Variants in RPS6KA5 observed in about 807,000 individuals in gnomAD.
RPS6KA5 encodes ribosomal protein S6 kinase alpha-5.
Under a neutral mutation model 85.5 loss-of-function variants are expected in RPS6KA5, and 27 were observed. The observed-to-expected ratio is 0.32, with a 90% CI of 0.23 to 0.44. The LOEUF (loss-of-function observed/expected upper bound fraction) is 0.44, where lower values mean the gene tolerates loss of function less well. Ranked by LOEUF, RPS6KA5 falls within the 20% of genes least tolerant of loss-of-function variation. The pLI, the probability that RPS6KA5 is intolerant of heterozygous loss-of-function variation, is 1.00. For synonymous variants in RPS6KA5, 334 were observed against 348.2 expected, an observed-to-expected ratio of 0.96 and a Z score of 0.46; for missense variants, 811 against 980.9, an observed-to-expected ratio of 0.83 and a Z score of 2.31.
chr14:91,044,057 T>C (rs1369015998), intron 1 of RPS6KA5, among the ~76,000 whole-genome samples: 1 of 151,902 alleles, frequency 6.6e-6, no homozygotes, highest in Non-Finnish European at 1.5e-5. Context: ...TGAAACCCTA[T>C]CTCTACTAAA....
At chr14:90,946,243 T>G (rs1046427374) in intron 4 of RPS6KA5, among the ~76,000 whole-genome samples, 1 of 152,198 alleles carries the variant, frequency 6.6e-6, no homozygotes, top group East Asian at 1.9e-4. Context: ...TCAGTTTGAG[T>G]GCCTACTTGA....
Position 90,854,201 on chromosome 14 carries a change from T to C in RPS6KA5, c.*17873A>G, listed in dbSNP as rs1423910677. On this transcript the variant is annotated 3_prime_UTR_variant, in exon 17 of 17. Coordinates refer to ENST00000614987, the MANE Select transcript of RPS6KA5 (RefSeq NM_004755.4). ...TGCAAGGAGCCTGATGTATGAAGATTTGACATTGTAATTTATAATTCCTAA... is the reference window on the plus strand; with the variant it reads ...TGCAAGGAGCCTGATGTATGAAGATCTGACATTGTAATTTATAATTCCTAA... 1 of 126,932 alleles carries C rather than the reference T, an allele frequency of 7.9e-6. No homozygotes were observed. The highest frequency in any genetic ancestry group is 2.0e-4 in the East Asian group (1 of 5,030). The allele number at this position is 126,932 out of a possible 1,614,324, so 7.9% of individuals were successfully genotyped here. A position where few individuals can be genotyped will look rare whatever the true frequency, so the allele number is the denominator to read the frequency against.
At position 90,856,208 on chromosome 14, in the gene RPS6KA5, C is replaced by G. The variant is rs937474901; in HGVS notation, c.*15866G>C. ...GGCAAGTTTACTTTGTCCCCAAGAG[C>G]TTAATCTCTAGTTAGAAAAGATTTT... On this transcript the variant is annotated 3_prime_UTR_variant, in exon 17 of 17. Coordinates refer to ENST00000614987, the MANE Select transcript of RPS6KA5 (RefSeq NM_004755.4). The G allele has an allele frequency of 1.3e-5, 2 of 152,128 alleles. No homozygotes were observed. Among genetic ancestry groups the G allele is most frequent in the African/African-American group, 4.8e-5 (2 of 41,436 alleles). 9.4% of individuals were successfully genotyped at this position (152,128 alleles called of 1,614,324 possible).
intron 2 of RPS6KA5, among the ~76,000 whole-genome samples, chr14:90,999,134 G>C (rs1173896405): frequency 6.6e-6 from 1 of 152,126 alleles, no homozygotes; most frequent in Non-Finnish European, 1.5e-5. Context: ...CTTGAACCCA[G>C]GAGGCAGAAG....
At chr14:91,009,708 A>G (rs2041176606) in intron 1 of RPS6KA5, among the ~76,000 whole-genome samples, 1 of 152,214 alleles carries the variant, frequency 6.6e-6, no homozygotes, top group Admixed American at 6.5e-5. Flanking sequence ...TGGCAGAAAA[A>G]AACCCCAAAA....
rs765460706 is a variant in RPS6KA5 at position 91,052,342 on chromosome 14, C to T, written c.103+7990G>A. ...AATTACCTGGGTATGGTAGTGGGTGCCTGTAATCCCAGCCACTTGGGAGGC... is the reference window on the plus strand; with the variant it reads ...AATTACCTGGGTATGGTAGTGGGTGTCTGTAATCCCAGCCACTTGGGAGGC... On this transcript the variant is annotated intron_variant, in intron 1 of 16. Transcript: ENST00000614987. The T allele has an allele frequency of 4.4e-5, 17 of 388,504 alleles. 1 individual carries two copies. Among genetic ancestry groups the T allele is most frequent in the South Asian group, 3.1e-4 (17 of 54,184 alleles). The allele number at this position is 388,504 out of a possible 1,614,324, so 24.1% of individuals were successfully genotyped here.
At chr14:91,052,688 C>T (rs954535756) in intron 1 of RPS6KA5, among the ~76,000 whole-genome samples, 1 of 150,762 alleles carries the variant, frequency 6.6e-6, no homozygotes, top group South Asian at 2.1e-4. Flanking sequence ...AAAAAGTTAG[C>T]TGGGCGTGGT....
Position 90,869,472 on chromosome 14 carries a change from T to C in RPS6KA5, c.*2602A>G, listed in dbSNP as rs1206930714. ...CAATTTGTCATATACAGTTACAAAA[T>C]ATATGAATCAGGATTTATGTTGGCA... On this transcript the variant is annotated 3_prime_UTR_variant, in exon 17 of 17. Transcript: ENST00000614987. The C allele has an allele frequency of 2.0e-5, 3 of 152,190 alleles. No individual in the cohort carries two copies. Among genetic ancestry groups the C allele is most frequent in the African/African-American group, 7.2e-5 (3 of 41,452 alleles). The allele number at this position is 152,190 out of a possible 1,614,324, so 9.4% of individuals were successfully genotyped here.
chr14:90,871,907 C>T lies in RPS6KA5; in HGVS notation c.*167G>A. The T allele has an allele frequency of 1.3e-6, 1 of 790,502 alleles. No individual in the cohort carries two copies. The highest frequency in any genetic ancestry group is 1.7e-5 in the African/African-American group (1 of 58,058). The allele number at this position is 790,502 out of a possible 1,614,324, so 49.0% of individuals were successfully genotyped here. On this transcript the variant is annotated 3_prime_UTR_variant, in exon 17 of 17. Transcript: ENST00000614987. ...TCTATTCACAGTAACATTCTCTGTCCAGTGCTTTTGAATGAGGATAACCAA... is the reference window on the plus strand; with the variant it reads ...TCTATTCACAGTAACATTCTCTGTCTAGTGCTTTTGAATGAGGATAACCAA...
intron 1 of RPS6KA5, chr14:91,059,953 C>T: frequency 1.2e-6 from 1 of 855,934 alleles, no homozygotes; most frequent in Non-Finnish European, 1.4e-6. Flanking sequence ...AACAAAGCGC[C>T]GCTCGCCCCA....
At chr14:91,034,137 A>G (rs1212447432) in intron 1 of RPS6KA5, among the ~76,000 whole-genome samples, 1 of 151,956 alleles carries the variant, frequency 6.6e-6, no homozygotes, top group Non-Finnish European at 1.5e-5. Context: ...CAAAACCCTT[A>G]CATAAAAATA....
rs950337872 is a variant in RPS6KA5 at position 90,866,329 on chromosome 14, C to A, written c.*5745G>T. 1 of 152,140 alleles carries A rather than the reference C, an allele frequency of 6.6e-6. No homozygotes were observed. Among genetic ancestry groups the A allele is most frequent in the African/African-American group, 2.4e-5 (1 of 41,402 alleles). The allele number at this position is 152,140 out of a possible 1,614,324, so 9.4% of individuals were successfully genotyped here. A position where few individuals can be genotyped will look rare whatever the true frequency, so the allele number is the denominator to read the frequency against. On this transcript the variant is annotated 3_prime_UTR_variant, in exon 17 of 17. Coordinates refer to ENST00000614987, the MANE Select transcript of RPS6KA5 (RefSeq NM_004755.4). The stretch of plus-strand genomic sequence containing the variant: ...AAAAAAAATTAGCTGGGCATGGTGG[C>A]TCATGCCTGTAGTCTACTTAGTCAG...
At chr14:91,025,936 T>C (rs986691429) in intron 1 of RPS6KA5, among the ~76,000 whole-genome samples, 2 of 152,154 alleles carry the variant, frequency 1.3e-5, no homozygotes, top group African/African-American at 4.8e-5. Context: ...AATGATTCCG[T>C]CACCCAGGTA....
At position 90,858,167 on chromosome 14, in the gene RPS6KA5, CAT is replaced by C. The variant is rs2032375407; in HGVS notation, c.*13905_*13906del. ...AAAAGTACAGCTCACTGCCAGCATT[CAT>C]TTAATTTTACGTAAACACATTCTTT... On this transcript the variant is annotated 3_prime_UTR_variant, in exon 17 of 17. Transcript: ENST00000614987. 1 of 152,110 alleles carries C rather than the reference CAT, an allele frequency of 6.6e-6. No homozygotes were observed. Among genetic ancestry groups the C allele is most frequent in the Non-Finnish European group, 1.5e-5 (1 of 68,024 alleles). The allele number at this position is 152,110 out of a possible 1,614,324, so 9.4% of individuals were successfully genotyped here.
intron 1 of RPS6KA5, among the ~76,000 whole-genome samples, chr14:91,002,032 A>G (rs2040815908): frequency 6.6e-6 from 1 of 152,176 alleles, no homozygotes; most frequent in Non-Finnish European, 1.5e-5. Flanking sequence ...CCACAAAATT[A>G]CTTTTTAAGG....
In RPS6KA5 at chr14:90,890,523, A is replaced by G. The variant is rs2034490580; in HGVS notation, c.1800T>C (p.Asp600=). The G allele has an allele frequency of 2.5e-6, 4 of 1,614,096 alleles. No individual in the cohort carries two copies. Among genetic ancestry groups the G allele is most frequent in the Middle Eastern group, 1.6e-4 (1 of 6,062 alleles). ...CCAAGCTCCACAGGTCACAGGACTCATCGTAGCCGTTCTGATTCAAGAGCT... is the reference window on the plus strand; with the variant it reads ...CCAAGCTCCACAGGTCACAGGACTCGTCGTAGCCGTTCTGATTCAAGAGCT... ...APELLNQNGY[D]ESCDLWSLGV... The change falls in exon 14 of 17, where the codon GAT becomes GAC. Residue 600 remains aspartate, a synonymous_variant. Coordinates refer to ENST00000614987, the MANE Select transcript of RPS6KA5 (RefSeq NM_004755.4).
chr14:91,009,471 A>G (rs1254242098), intron 1 of RPS6KA5, among the ~76,000 whole-genome samples: 1 of 152,208 alleles, frequency 6.6e-6, no homozygotes, highest in Non-Finnish European at 1.5e-5. Flanking sequence ...AGCTGGTCTC[A>G]AACTCCTGGC....
chr14:90,931,703 T>C (rs955908360), intron 5 of RPS6KA5, among the ~76,000 whole-genome samples: 1 of 152,166 alleles, frequency 6.6e-6, no homozygotes, highest in Non-Finnish European at 1.5e-5. Flanking sequence ...GTATCTATAA[T>C]ACTTAACGAA....
chr14:90,902,769 CAT>C (rs760650655), intron 9 of RPS6KA5, 37 bp downstream of exon 9: 2 of 1,576,174 alleles, frequency 1.3e-6, no homozygotes, highest in Non-Finnish European at 8.6e-7. Flanking sequence ...TTTCAAAGGA[CAT>C]ATGGCCAATG....
Sources: gnomAD v4.1 joint callset for allele counts (sites outside exome capture counted in the v4.1 genomes callset) on GRCh38, gnomAD v4.1.1 for gene constraint, MANE v1.5 for transcripts, NCBI Gene and HGNC (gene_info 2026-07-23, HGNC 2026-07-21) for gene names.